Variants in NEGR1 observed in about 807,000 individuals in gnomAD.
NEGR1 encodes IgLON family member 4.
Under a neutral mutation model 40.9 loss-of-function variants are expected in NEGR1, and 10 were observed. The observed-to-expected ratio is 0.24, with a 90% CI of 0.15 to 0.42. The LOEUF (loss-of-function observed/expected upper bound fraction) is 0.42, where lower values mean the gene tolerates loss of function less well. NEGR1 is among the 10% of genes least tolerant of loss of function. The probability of loss-of-function intolerance (pLI) is 1.00; values close to 1 mark genes in which losing one functional copy is unlikely to be tolerated. For synonymous variants in NEGR1, 185 were observed against 166.8 expected (o/e 1.11, Z -0.84); for missense variants, 352 against 438.9 (o/e 0.80, Z 1.77).
At chr1:71,497,882 A>G (rs1383181296) in intron 6 of NEGR1, among the ~76,000 whole-genome samples, 1 of 152,094 alleles carries the variant, frequency 6.6e-6, no homozygotes, top group Admixed American at 6.6e-5. Context: ...GCGAAACTAT[A>G]TATCTTCTAT....
chr1:71,703,972 A>G (rs890250880), intron 3 of NEGR1, among the ~76,000 whole-genome samples: 1 of 152,008 alleles, frequency 6.6e-6, no homozygotes, highest in African/African-American at 2.4e-5. Flanking sequence ...AAGTAGACAA[A>G]GAAATAAAAA....
At chr1:71,464,625 T>G (rs1646734033) in intron 6 of NEGR1, among the ~76,000 whole-genome samples, 1 of 152,062 alleles carries the variant, frequency 6.6e-6, no homozygotes, top group Non-Finnish European at 1.5e-5. Context: ...TGTCGCAAAA[T>G]TTGGCCATAC....
chr1:71,732,240 A>G (rs1255456833), intron 3 of NEGR1, among the ~76,000 whole-genome samples: 1 of 152,058 alleles, frequency 6.6e-6, no homozygotes, highest in African/African-American at 2.4e-5. Flanking sequence ...TCCGAGAAGT[A>G]GGGGCTGCAG....
intron 6 of NEGR1, among the ~76,000 whole-genome samples, chr1:71,450,995 A>G (rs1367993176): frequency 6.6e-6 from 1 of 152,152 alleles, no homozygotes; most frequent in Non-Finnish European, 1.5e-5. Flanking sequence ...AAAATATTTG[A>G]CAGGTGTAAT....
intron 4 of NEGR1, among the ~76,000 whole-genome samples, chr1:71,620,204 A>G (rs1319208501): frequency 6.6e-6 from 1 of 152,046 alleles, no homozygotes; most frequent in African/African-American, 2.4e-5. Flanking sequence ...ATACTGCAAC[A>G]GTATAAATAA....
chr1:71,456,489 A>G (rs1038862662), intron 6 of NEGR1, among the ~76,000 whole-genome samples: 1 of 152,192 alleles, frequency 6.6e-6, no homozygotes, highest in African/African-American at 2.4e-5. Flanking sequence ...TAGAAAGCAC[A>G]TTATCCAGAT....
chr1:72,081,303 G>T (rs1424021932), intron 1 of NEGR1, among the ~76,000 whole-genome samples: 2 of 152,098 alleles, frequency 1.3e-5, no homozygotes, highest in African/African-American at 4.8e-5. Flanking sequence ...GTTGTCTAAA[G>T]AATGGAATAA....
At chr1:71,644,038 C>T (rs1208299028) in intron 4 of NEGR1, among the ~76,000 whole-genome samples, 1 of 151,868 alleles carries the variant, frequency 6.6e-6, no homozygotes, top group Non-Finnish European at 1.5e-5. Flanking sequence ...GATCTCATTC[C>T]ATTGATCTGG....
At chr1:71,601,856 A>G (rs1649930193) in intron 5 of NEGR1, among the ~76,000 whole-genome samples, 1 of 152,132 alleles carries the variant, frequency 6.6e-6, no homozygotes, top group African/African-American at 2.4e-5. Context: ...ATTGAGTACA[A>G]TGTTCACTAT....
intron 6 of NEGR1, among the ~76,000 whole-genome samples, chr1:71,573,071 T>C (rs1001715547): frequency 1.3e-5 from 2 of 152,184 alleles, no homozygotes; most frequent in African/African-American, 2.4e-5. Flanking sequence ...CAAAATTACA[T>C]GATGACATTG....
intron 6 of NEGR1, among the ~76,000 whole-genome samples, chr1:71,543,205 T>C (rs758744236): frequency 2.0e-5 from 3 of 151,820 alleles, no homozygotes; most frequent in African/African-American, 4.8e-5. Flanking sequence ...CAAATATGTA[T>C]GTTTTGGTGT....
intron 1 of NEGR1, among the ~76,000 whole-genome samples, chr1:72,059,111 C>T (rs1647141765): frequency 6.6e-6 from 1 of 151,650 alleles, no homozygotes; most frequent in Admixed American, 6.6e-5. Flanking sequence ...TTTCTTGTTG[C>T]TTTTCTCTTA....
chr1:72,159,268 A>G (rs888307142), intron 1 of NEGR1, among the ~76,000 whole-genome samples: 1 of 152,158 alleles, frequency 6.6e-6, no homozygotes, highest in African/African-American at 2.4e-5. Context: ...GCCGTTCCGT[A>G]ACCTCTATCC....
chr1:72,270,118 A>C (rs564643977), intron 1 of NEGR1, among the ~76,000 whole-genome samples: 1 of 151,900 alleles, frequency 6.6e-6, no homozygotes, highest in Admixed American at 6.6e-5. Context: ...CCACTGCCTA[A>C]CTGTTCCACC....
intron 6 of NEGR1, among the ~76,000 whole-genome samples, chr1:71,471,384 G>A (rs1231714767): frequency 2.6e-5 from 4 of 152,048 alleles, no homozygotes; most frequent in African/African-American, 9.7e-5. Context: ...CTTGGCTCAC[G>A]CCTGTAATCC....
chr1:71,836,607 G>A (rs1426178), intron 2 of NEGR1, among the ~76,000 whole-genome samples: 35,932 of 151,068 alleles, frequency 0.24, 5,302 homozygotes, highest in East Asian at 0.55. Flanking sequence ...GAAAGAATTG[G>A]GACTCCGGCG....
At chr1:71,512,933 A>G (rs1221899295) in intron 6 of NEGR1, among the ~76,000 whole-genome samples, 1 of 152,228 alleles carries the variant, frequency 6.6e-6, no homozygotes, top group Admixed American at 6.5e-5. Flanking sequence ...GGAATAAGAT[A>G]CAGTGGAAAG....
intron 2 of NEGR1, among the ~76,000 whole-genome samples, chr1:71,803,493 T>C (rs1657637181): frequency 6.6e-6 from 1 of 152,166 alleles, no homozygotes; most frequent in Non-Finnish European, 1.5e-5. Context: ...ATCCTGTTGC[T>C]TTTCCAATAT....
At chr1:72,171,286 G>C (rs546241208) in intron 1 of NEGR1, among the ~76,000 whole-genome samples, 16 of 152,128 alleles carry the variant, frequency 1.1e-4, no homozygotes, top group Non-Finnish European at 2.2e-4. Context: ...TCAATATAAA[G>C]ATATTAGAAT....
Sources: allele counts gnomAD v4.1 joint callset (sites outside exome capture counted in the v4.1 genomes callset), GRCh38; gene constraint gnomAD v4.1.1; transcripts MANE v1.5; gene names NCBI Gene and HGNC (gene_info 2026-07-23, HGNC 2026-07-21).